The following SLC30A9 variants were observed in gnomAD, a reference collection of about 807,000 sequenced individuals.
SLC30A9 encodes the protein proton-coupled zinc antiporter SLC30A9, mitochondrial.
In SLC30A9, 58 loss-of-function variants were observed where a neutral mutation model predicts 87.5. The observed-to-expected ratio is 0.66, with a 90% CI of 0.54 to 0.82. SLC30A9 has a LOEUF of 0.82. SLC30A9 is among the 40% of genes least tolerant of loss of function. The pLI is 0.00. For synonymous variants in SLC30A9, 234 were observed against 233.0 expected, an observed-to-expected ratio of 1.00 and a Z score of -0.04; for missense variants, 557 against 679.1, an observed-to-expected ratio of 0.82 and a Z score of 2.00.
intron 9 of SLC30A9, among the ~76,000 whole-genome samples, chr4:42,056,498 G>A (rs1005022714): frequency 3.9e-5 from 6 of 152,196 alleles, no homozygotes; most frequent in African/African-American, 9.6e-5. Context: ...TCACTATCAC[G>A]AGAACAGCCG....
At chr4:42,078,004 G>A (rs7694008) in intron 16 of SLC30A9, among the ~76,000 whole-genome samples, 2,994 of 151,774 alleles carry the variant, frequency 0.02, 56 homozygotes, top group Middle Eastern at 0.061. Context: ...CAGTAATTTT[G>A]TAGTGCTACC....
rs74934299 is a variant in SLC30A9 at position 42,020,315 on chromosome 4, G to C, written c.335-101G>C. 1,899 of 566,932 alleles carry C rather than the reference G, an allele frequency of 3.3e-3. 8 individuals are homozygous for C. The highest frequency in any genetic ancestry group is 5.0e-3 in the Non-Finnish European group (1,604 of 322,004). 35.1% of individuals were successfully genotyped at this position (566,932 alleles called of 1,614,324 possible). On this transcript the variant is annotated intron_variant, in intron 3 of 17. Transcript: ENST00000264451. ...ATTCAGTGAAAAAGATCAGTTTTCT[G>C]TGAAATTCATTAGTGAAGCCTCTTA...
Position 42,053,854 on chromosome 4 carries a change from G to A in SLC30A9, c.840+4375G>A, listed in dbSNP as rs150923335. Among the ~76,000 whole-genome samples the A allele has an allele frequency of 2.0e-3, 301 of 152,196 alleles. 5 individuals are homozygous for A. Among genetic ancestry groups the A allele is most frequent in the East Asian group, 7.7e-3 (40 of 5,188 alleles). On this transcript the variant is annotated intron_variant, in intron 9 of 17. Transcript: ENST00000264451. ...TGGAATATTATCTGGCAATAAAAGG[G>A]AATGAAGTACTTTTCTGACTGGCAA...
chr4:42,038,932 G>C, intron 7 of SLC30A9, 54 bp from the exon 8 acceptor site: 1 of 1,292,300 alleles, frequency 7.7e-7, no homozygotes, highest in Non-Finnish European at 1.1e-6. Context: ...ACCAGTTACA[G>C]TGCTTCTCTG....
chr4:42,052,505 T>C (rs1717418867), intron 9 of SLC30A9, among the ~76,000 whole-genome samples: 1 of 152,202 alleles, frequency 6.6e-6, no homozygotes, highest in Non-Finnish European at 1.5e-5. Context: ...TATAAACTTA[T>C]ATAGAAATTA....
chr4:41,994,041 C>T (rs1054278345), intron 1 of SLC30A9, among the ~76,000 whole-genome samples: 3 of 152,068 alleles, frequency 2.0e-5, no homozygotes, highest in Non-Finnish European at 2.9e-5. Flanking sequence ...CCTGTAATCC[C>T]AGCTACTTGG....
At chr4:42,075,028 TATATATATA>T (rs1170008487) in intron 15 of SLC30A9, among the ~76,000 whole-genome samples, 3 of 3,130 alleles carry the variant, frequency 9.6e-4, no homozygotes. Context: ...TGAATATATA[TATATATATA>T]TATATATATA....
At position 41,990,774 on chromosome 4, in the gene SLC30A9, G is replaced by T. The variant is rs751738099; in HGVS notation, c.109+14G>T. 1.3e-6 allele frequency: 2 copies of T among 1,581,382 alleles called. No individual in the cohort carries two copies. The highest frequency in any genetic ancestry group is 1.7e-6 in the Non-Finnish European group (2 of 1,156,396). On this transcript the variant is annotated intron_variant, in intron 1 of 17. Transcript: ENST00000264451. ...GCGACCGCCAGGGTGAGTGTCCCGC[G>T]CTGGCCGCTGGCTCCGTAGAAGCCG...
chr4:42,066,348 T>C (rs1718074664), intron 12 of SLC30A9, among the ~76,000 whole-genome samples: 1 of 152,208 alleles, frequency 6.6e-6, no homozygotes, highest in Non-Finnish European at 1.5e-5. Context: ...TTAGTAATTA[T>C]ATTTAATTAT....
chr4:42,034,699 T>TG (rs1242967773), intron 6 of SLC30A9, among the ~76,000 whole-genome samples: 1 of 152,242 alleles, frequency 6.6e-6, no homozygotes, highest in African/African-American at 2.4e-5. Context: ...TTGGGTTGCT[T>TG]CACCTCTTGA....
rs1444250108 is a variant in SLC30A9, at chr4:42,063,025, T to G, written c.936T>G (p.Ile312Met). ...FSNMRYISSL[I>M]SGVGIFMMGA... Reference sequence around the variant, plus strand: ...ATATGCGCTATATTTCTTCGCTAATTAGTGGTGTTGGTATTTTCATGATGG... The same window carrying G: ...ATATGCGCTATATTTCTTCGCTAATGAGTGGTGTTGGTATTTTCATGATGG... Residue 312 changes from isoleucine to methionine, a missense_variant, in exon 11 of 18, where the codon ATT (isoleucine) becomes ATG (methionine). By Grantham distance (10) the Ile-to-Met change is conservative. Coordinates refer to ENST00000264451, the MANE Select transcript of SLC30A9 (RefSeq NM_006345.4). The G allele has an allele frequency of 6.2e-7, 1 of 1,613,462 alleles. No homozygotes were observed. Among genetic ancestry groups the G allele is most frequent in the Non-Finnish European group, 8.5e-7 (1 of 1,179,500 alleles).
At position 42,087,114 on chromosome 4, in the gene SLC30A9, A is replaced by T. The variant is rs1384084869; in HGVS notation, c.*988A>T. On this transcript the variant is annotated 3_prime_UTR_variant, in exon 18 of 18. Transcript: ENST00000264451. ...GAATCTCTCACTGAAACTCATGGTC[A>T]TGATTTTGTATAATATAGTTCATAC... 1 of 152,170 alleles carries T rather than the reference A, an allele frequency of 6.6e-6. No individual in the cohort carries two copies. The highest frequency in any genetic ancestry group is 1.5e-5 in the Non-Finnish European group (1 of 68,018). The allele number at this position is 152,170 out of a possible 1,614,324, so 9.4% of individuals were successfully genotyped here.
chr4:42,001,774 G>A lies in SLC30A9; in HGVS notation c.268G>A (p.Glu90Lys), dbSNP rs765273495. ...TLRVEKVPSF[E>K]TAEGIGTELK... The stretch of plus-strand genomic sequence containing the variant: ...CAGAGTGGAAAAAGTACCATCATTT[G>A]AAACAGGTATGTGTAATTTTTTTAA... Residue 90 changes from glutamate (E) to lysine (K), a missense_variant, in exon 2 of 18, where the codon GAA becomes AAA. Glu to Lys is a moderately conservative substitution (Grantham distance 56). Transcript: ENST00000264451. 1.2e-6 allele frequency: 2 copies of A among 1,605,494 alleles called. No homozygotes were observed. The highest frequency in any genetic ancestry group is 2.2e-5 in the South Asian group (2 of 89,842).
rs58115879 is a variant in SLC30A9, at chr4:42,081,762, C to T, written c.1662+3437C>T. On this transcript the variant is annotated intron_variant, in intron 17 of 17. Transcript: ENST00000264451. ...AATTGGTCCTTGTCACCTACATTTA[C>T]TCTTACAACAATCAGACCTTATTGT... Among the ~76,000 whole-genome samples, 1,000 of 151,710 alleles carry T rather than the reference C, an allele frequency of 6.6e-3. 16 individuals are homozygous for T. The highest frequency in any genetic ancestry group is 0.023 in the African/African-American group (961 of 41,008).
chr4:42,028,675 A>G (rs757141139), intron 6 of SLC30A9, among the ~76,000 whole-genome samples: 4 of 152,254 alleles, frequency 2.6e-5, no homozygotes, highest in African/African-American at 7.2e-5. Context: ...TGTTGAACCA[A>G]TAGTATCACC....
In SLC30A9 at chr4:42,088,983, AG is replaced by A. The variant is rs1719016344; in HGVS notation, c.*2858del. 2 of 151,452 alleles carry A rather than the reference AG, an allele frequency of 1.3e-5. No homozygotes were observed. Among genetic ancestry groups the A allele is most frequent in the African/African-American group, 2.4e-5 (1 of 41,350 alleles). The allele number at this position is 151,452 out of a possible 1,614,324, so 9.4% of individuals were successfully genotyped here. On this transcript the variant is annotated 3_prime_UTR_variant, in exon 18 of 18. Transcript: ENST00000264451. The stretch of plus-strand genomic sequence containing the variant: ...TTTCTCCAAAAATAAGGCTATATTT[AG>A]TTTTTCAGGTTTCTTGTTATTTTAC...
At chr4:42,041,766 G>A (rs995736142) in intron 8 of SLC30A9, among the ~76,000 whole-genome samples, 1 of 152,172 alleles carries the variant, frequency 6.6e-6, no homozygotes, top group Non-Finnish European at 1.5e-5. Flanking sequence ...GGGGTGGCGG[G>A]CAAGATGGCT....
chr4:42,082,280 CA>C lies in SLC30A9; in HGVS notation c.1663-3799del, dbSNP rs545665600. On this transcript the variant is annotated intron_variant, in intron 17 of 17. Transcript: ENST00000264451. The stretch of plus-strand genomic sequence containing the variant: ...TAATAAAGCATAATTAATCTTAAGT[CA>C]AAGGACATGTTCATAGTTGAGGTGC... Among the ~76,000 whole-genome samples, 490 of 151,718 alleles carry C rather than the reference CA, an allele frequency of 3.2e-3. 2 individuals carry two copies. The highest frequency in any genetic ancestry group is 0.011 in the African/African-American group (470 of 41,332).
Position 42,087,769 on chromosome 4 carries a change from C to G in SLC30A9, c.*1643C>G, listed in dbSNP as rs1718975384. 6.6e-6 allele frequency: 1 copy of G among 150,842 alleles called. No individual in the cohort carries two copies. The highest frequency in any genetic ancestry group is 6.6e-5 in the Admixed American group (1 of 15,162). The allele number at this position is 150,842 out of a possible 1,614,324, so 9.3% of individuals were successfully genotyped here. On this transcript the variant is annotated 3_prime_UTR_variant, in exon 18 of 18. Transcript: ENST00000264451. ...CTTTACAAAAAAAACTTTTTTTTTA[C>G]CTGTTATGATTTATTCTATACTTTT...
Sources: allele counts gnomAD v4.1 joint callset (sites outside exome capture counted in the v4.1 genomes callset), GRCh38; gene constraint gnomAD v4.1.1; transcripts MANE v1.5; gene names NCBI Gene and HGNC (gene_info 2026-07-23, HGNC 2026-07-21).